The following SPACA7 variants were observed in gnomAD, a reference collection of about 807,000 sequenced individuals.
The protein encoded by SPACA7 is sperm acrosome-associated protein 7.
In SPACA7, 19 loss-of-function variants were observed where a neutral mutation model predicts 26.3. The observed-to-expected ratio is 0.72, with a 90% confidence interval of 0.50 to 1.06. SPACA7 has a LOEUF of 1.06. SPACA7 is among the 50% of genes least tolerant of loss of function. SPACA7 has a pLI of 0.00. For missense variants in SPACA7, 211 were observed against 229.9 expected (o/e 0.92, Z 0.53); for synonymous variants, 84 against 84.5 (o/e 0.99, Z 0.04).
At chr13:112,428,830 T>C (rs112362238) in intron 5 of SPACA7, among the ~76,000 whole-genome samples, 15 of 152,272 alleles carry the variant, frequency 9.9e-5, no homozygotes, top group African/African-American at 3.6e-4. Context: ...TGTTAAGAGG[T>C]GGACTGTTCT....
At chr13:112,393,139 T>C in intron 2 of SPACA7, 62 bp downstream of exon 2, 1 of 1,404,846 alleles carries the variant, frequency 7.1e-7, no homozygotes, top group Non-Finnish European at 1.0e-6. Flanking sequence ...TGGTTGTCTG[T>C]GGCTGTTTCC....
At chr13:112,388,373 A>G (rs1466313744) in intron 1 of SPACA7, among the ~76,000 whole-genome samples, 2 of 152,112 alleles carry the variant, frequency 1.3e-5, no homozygotes, top group African/African-American at 4.8e-5. Flanking sequence ...ATACCCTACC[A>G]TGGGGCTACA....
chr13:112,392,928 TG>T, intron 1 of SPACA7, 92 bp from the exon 2 acceptor site: 2 of 1,054,924 alleles, frequency 1.9e-6, no homozygotes, highest in South Asian at 1.7e-5. Context: ...TAGAGGGGGC[TG>T]GTGGGCACCC....
At chr13:112,420,212 A>C (rs1886931097) in intron 5 of SPACA7, among the ~76,000 whole-genome samples, 1 of 152,226 alleles carries the variant, frequency 6.6e-6, no homozygotes, top group African/African-American at 2.4e-5. Flanking sequence ...ACACAAAAGG[A>C]AGCAAGAAAA....
rs1257766825 is a variant in SPACA7 at position 112,376,468 on chromosome 13, C to T, written c.83C>T (p.Thr28Ile). 1.9e-6 allele frequency: 3 copies of T among 1,613,158 alleles called. No homozygotes were observed. In the South Asian group the frequency reaches 3.3e-5, roughly 18 times the overall value. The change falls in exon 1 of 7, where the codon ACC (threonine) becomes ATC (isoleucine). Residue 28 changes from threonine to isoleucine, a missense_variant. By Grantham distance (89) the Thr-to-Ile change is moderately conservative. Coordinates refer to ENST00000283550, the MANE Select transcript of SPACA7 (RefSeq NM_145248.5). Reference sequence around the variant, plus strand: ...CAAGAAACTGAGCTCCGGCCGAGAACCGTGATTCCAGGTAGGGCCCCACAG... The same window carrying T: ...CAAGAAACTGAGCTCCGGCCGAGAATCGTGATTCCAGGTAGGGCCCCACAG... ...CWQETELRPR[T>I]VIPGSPTEIP...
At chr13:112,387,543 C>A (rs1019337766) in intron 1 of SPACA7, among the ~76,000 whole-genome samples, 3 of 152,216 alleles carry the variant, frequency 2.0e-5, no homozygotes, top group African/African-American at 7.2e-5. Flanking sequence ...TAAACCCTTG[C>A]AGAGAGACAA....
chr13:112,401,098 G>C lies in SPACA7; in HGVS notation c.379G>C (p.Asp127His). 6.2e-7 allele frequency: 1 copy of C among 1,614,104 alleles called. No homozygotes were observed. The highest frequency in any genetic ancestry group is 8.5e-7 in the Non-Finnish European group (1 of 1,180,012). ...CAATGCTAATGCAAATCTCCATGGC[G>C]ATCCTTCTGAGAATTATCGTGGGCC... ...EANANANLHG[D>H]PSENYRGPQV... is the part of the protein sequence containing the mutation. Residue 127 changes from aspartate (D) to histidine (H), a missense_variant, in exon 5 of 7, where the codon GAT (aspartate) becomes CAT (histidine). By Grantham distance (81) the Asp-to-His change is moderately conservative. Coordinates refer to ENST00000283550, the MANE Select transcript of SPACA7 (RefSeq NM_145248.5).
intron 4 of SPACA7, among the ~76,000 whole-genome samples, chr13:112,399,608 A>T (rs547813054): frequency 6.6e-6 from 1 of 152,342 alleles, no homozygotes; most frequent in African/African-American, 2.4e-5. Flanking sequence ...GCTGGGAAAA[A>T]AATCAGTGTG....
chr13:112,380,463 G>T (rs1168729499), intron 1 of SPACA7, among the ~76,000 whole-genome samples: 3 of 147,018 alleles, frequency 2.0e-5, no homozygotes, highest in Non-Finnish European at 3.0e-5. Context: ...TGGCCTTTTA[G>T]CAGACAGAGA....
In SPACA7 at chr13:112,401,567, C is replaced by T. The variant is rs112926025; in HGVS notation, c.445+403C>T. 7.2e-5 allele frequency among the ~76,000 whole-genome samples: 11 copies of T among 152,220 alleles called. No homozygotes were observed. In the South Asian group the frequency reaches 2.1e-3, roughly 29 times the overall value. ...GGGTTTGTTAGTTGACTTTTGACTA[C>T]GTTTATAATTTTTCATGCAAAAAAA... is the stretch of plus-strand genomic sequence containing the variant. On this transcript the variant is annotated intron_variant, in intron 5 of 6. Transcript: ENST00000283550.
intron 5 of SPACA7, among the ~76,000 whole-genome samples, chr13:112,409,471 C>A (rs9604317): frequency 0.095 from 14,485 of 151,992 alleles, 1,562 homozygotes; most frequent in East Asian, 0.28. Context: ...ACTCATCTGA[C>A]AAAGGGCTAA....
At chr13:112,416,042 C>T (rs7995313) in intron 5 of SPACA7, among the ~76,000 whole-genome samples, 2,093 of 152,056 alleles carry the variant, frequency 0.014, 46 homozygotes, top group African/African-American at 0.048. Flanking sequence ...CACTGTGCTG[C>T]TTGGTGTTGG....
chr13:112,424,110 G>A (rs796737097), intron 5 of SPACA7, among the ~76,000 whole-genome samples: 32 of 152,274 alleles, frequency 2.1e-4, no homozygotes, highest in African/African-American at 7.7e-4. Context: ...TGATAAATAC[G>A]GGGTGAATCC....
At chr13:112,391,277 C>G (rs1884869420) in intron 1 of SPACA7, among the ~76,000 whole-genome samples, 1 of 152,212 alleles carries the variant, frequency 6.6e-6, no homozygotes, top group African/African-American at 2.4e-5. Flanking sequence ...ATCACTTTCT[C>G]ACGAGGAACA....
chr13:112,414,702 G>A (rs751653698), intron 5 of SPACA7, among the ~76,000 whole-genome samples: 11 of 152,022 alleles, frequency 7.2e-5, no homozygotes, highest in East Asian at 3.8e-4. Context: ...GTGAGCCACC[G>A]TGCCCAACCT....
At chr13:112,392,524 G>A (rs893980329) in intron 1 of SPACA7, among the ~76,000 whole-genome samples, 8 of 152,172 alleles carry the variant, frequency 5.3e-5, no homozygotes, top group African/African-American at 1.7e-4. Flanking sequence ...TCATGATGCA[G>A]CCACAGCATT....
intron 5 of SPACA7, among the ~76,000 whole-genome samples, chr13:112,413,200 G>T (rs568564133): frequency 1.1e-4 from 16 of 152,174 alleles, no homozygotes; most frequent in African/African-American, 3.6e-4. Context: ...ATTGCTTGTT[G>T]CACATTAGCA....
chr13:112,383,932 T>C (rs1884371242), intron 1 of SPACA7, among the ~76,000 whole-genome samples: 1 of 152,234 alleles, frequency 6.6e-6, no homozygotes, highest in Non-Finnish European at 1.5e-5. Flanking sequence ...GAAATAGTTT[T>C]CAAATTTTGG....
chr13:112,382,176 C>T, intron 1 of SPACA7: 4 of 392,202 alleles, frequency 1.0e-5, no homozygotes, highest in Non-Finnish European at 1.8e-5. Flanking sequence ...AGCTCTTTCA[C>T]TGTCTCAGTC....
Sources: allele counts gnomAD v4.1 joint callset (sites outside exome capture counted in the v4.1 genomes callset), GRCh38; gene constraint gnomAD v4.1.1; transcripts MANE v1.5; gene names NCBI Gene and HGNC (gene_info 2026-07-23, HGNC 2026-07-21).